The following INSL6 variants were observed in gnomAD, a reference collection of about 807,000 sequenced individuals.
INSL6 encodes insulin like 6, also known as insulin-like peptide INSL6.
INSL6 carries 16 observed loss-of-function variants against 9.4 expected under a neutral mutation model. That is an observed-to-expected ratio of 1.70 (90% confidence interval 1.15 to 2.59). INSL6 has a LOEUF of 2.59. Ranked by LOEUF, INSL6 falls within the 30% of genes most tolerant of loss-of-function variation. The pLI is 0.00. For synonymous variants in INSL6, 154 were observed against 96.9 expected, an observed-to-expected ratio of 1.59 and a Z score of -3.46; for missense variants, 391 against 257.3, an observed-to-expected ratio of 1.52 and a Z score of -3.56.
At chr9:5,052,992 A>AT in the INSL6 span, among the ~76,000 whole-genome samples, 1 of 151,438 alleles carries the variant, frequency 6.6e-6, no homozygotes. Flanking sequence ...TATTTTTTTC[A>AT]TTTTTTCTTG....
intron 1 of INSL6, among the ~76,000 whole-genome samples, chr9:5,183,494 TAAAAC>T (rs1825502612): frequency 6.6e-6 from 1 of 152,216 alleles, no homozygotes; most frequent in South Asian, 2.1e-4. Flanking sequence ...GAATAATACT[TAAAAC>T]AAAAGGATCA....
chr9:5,092,192 G>T, the INSL6 span, among the ~76,000 whole-genome samples: 1 of 152,056 alleles, frequency 6.6e-6, no homozygotes, highest in East Asian at 1.9e-4. Flanking sequence ...AAAATCTCAC[G>T]ACAACCTTTA....
chr9:5,129,821 G>A (rs1231849995), intron 3 of INSL6, among the ~76,000 whole-genome samples: 1 of 152,082 alleles, frequency 6.6e-6, no homozygotes, highest in Non-Finnish European at 1.5e-5. Context: ...ATATCATATA[G>A]CCTTTAACTT....
the INSL6 span, chr9:5,110,837 A>T: frequency 2.2e-6 from 1 of 455,774 alleles, no homozygotes; most frequent in South Asian, 1.8e-5. Flanking sequence ...TTGTTCGGGG[A>T]AGGTGGGGGG....
At chr9:5,130,073 G>A (rs1011714665) in intron 3 of INSL6, among the ~76,000 whole-genome samples, 3 of 152,112 alleles carry the variant, frequency 2.0e-5, no homozygotes, top group South Asian at 4.1e-4. Context: ...TGAAACACCA[G>A]TCTTACTACT....
At chr9:5,144,348 G>C (rs2130889354) in intron 2 of INSL6, among the ~76,000 whole-genome samples, 1 of 152,234 alleles carries the variant, frequency 6.6e-6, no homozygotes, top group Middle Eastern at 3.4e-3. Context: ...CGAATTTTAT[G>C]GCACTGTGGT....
chr9:5,142,816 T>C (rs1824529315), intron 2 of INSL6, among the ~76,000 whole-genome samples: 1 of 152,230 alleles, frequency 6.6e-6, no homozygotes, highest in South Asian at 2.1e-4. Context: ...ACCCATTCAG[T>C]ATGATATTGG....
At chr9:5,073,518 T>G in the INSL6 span, among the ~76,000 whole-genome samples, 2 of 152,188 alleles carry the variant, frequency 1.3e-5, no homozygotes, top group Non-Finnish European at 2.9e-5. Flanking sequence ...CACAGGGGTT[T>G]CCTCAGAACG....
At position 5,163,977 on chromosome 9, in the gene INSL6, A is replaced by G. The variant is rs780928550; in HGVS notation, c.578T>C (p.Leu193Pro). Residue 193 changes from leucine to proline, a missense_variant, in exon 2 of 2, where the codon CTT becomes CCT. Transcript: ENST00000381641. ...CTKEELSIAC[L>P]PYIDFKRLKE... ...TAGCCTTTTAAAATCAATATATGGA[A>G]GACATGCAATGCTAAGTTCTTCTTT... is the stretch of plus-strand genomic sequence containing the variant. 3.1e-6 allele frequency: 5 copies of G among 1,612,108 alleles called. No individual in the cohort carries two copies. The highest frequency in any genetic ancestry group is 4.2e-6 in the Non-Finnish European group (5 of 1,179,628).
the INSL6 span, among the ~76,000 whole-genome samples, chr9:5,060,027 A>G: frequency 6.6e-6 from 1 of 152,212 alleles, no homozygotes; most frequent in African/African-American, 2.4e-5. Flanking sequence ...CAAATTTTGC[A>G]ATGAAGTGAG....
chr9:5,126,421 C>G, intron 3 of INSL6: 3 of 1,608,724 alleles, frequency 1.9e-6, no homozygotes, highest in South Asian at 2.2e-5. Context: ...GGAAGATTAC[C>G]AAGACCAGAT....
intron 3 of INSL6, chr9:5,126,487 T>C: frequency 7.6e-7 from 1 of 1,316,448 alleles, no homozygotes; most frequent in Non-Finnish European, 1.1e-6. Context: ...ATGCATTTTC[T>C]TTTACTTTTT....
At chr9:5,092,124 G>A in the INSL6 span, among the ~76,000 whole-genome samples, 3 of 152,088 alleles carry the variant, frequency 2.0e-5, no homozygotes, top group East Asian at 1.9e-4. Flanking sequence ...ACATAAAAAC[G>A]TTAGGTCAAC....
chr9:5,066,407 C>T, the INSL6 span, among the ~76,000 whole-genome samples: 5 of 152,008 alleles, frequency 3.3e-5, no homozygotes, highest in African/African-American at 1.2e-4. Flanking sequence ...GCAGAAAAAT[C>T]AAATGAACAA....
chr9:5,119,984 T>A (rs1823491497), downstream of INSL6, among the ~76,000 whole-genome samples: 1 of 152,222 alleles, frequency 6.6e-6, no homozygotes, highest in Admixed American at 6.5e-5. Flanking sequence ...ATAAACACTG[T>A]CTTAGTCCCT....
the INSL6 span, among the ~76,000 whole-genome samples, chr9:5,063,884 A>ATG: frequency 2.0e-5 from 3 of 152,252 alleles, no homozygotes; most frequent in Non-Finnish European, 4.4e-5. Context: ...CAGGCCGGGC[A>ATG]TGGTGACTCA....
chr9:5,050,231 G>A, the INSL6 span, among the ~76,000 whole-genome samples: 1 of 152,166 alleles, frequency 6.6e-6, no homozygotes. Flanking sequence ...ATTTGCAAAT[G>A]AACTTTTATT....
At chr9:5,035,113 G>C in the INSL6 span, among the ~76,000 whole-genome samples, 14 of 152,080 alleles carry the variant, frequency 9.2e-5, no homozygotes, top group African/African-American at 3.1e-4. Flanking sequence ...ACCTCTACAT[G>C]AATAAACTAG....
chr9:5,009,487 A>G, the INSL6 span, among the ~76,000 whole-genome samples: 2 of 151,786 alleles, frequency 1.3e-5, no homozygotes, highest in South Asian at 4.2e-4. Flanking sequence ...CCTTTTTCAT[A>G]ATCTAGTGAT....
Sources: allele counts gnomAD v4.1 joint callset (sites outside exome capture counted in the v4.1 genomes callset), GRCh38; gene constraint gnomAD v4.1.1; transcripts MANE v1.5; gene names NCBI Gene and HGNC (gene_info 2026-07-23, HGNC 2026-07-21).